TRPS1: variants seen among roughly 807,000 people sequenced by gnomAD.
TRPS1 encodes transcriptional repressor GATA binding 1.
TRPS1 carries 6 observed loss-of-function variants against 101.2 expected under a neutral mutation model. That is an observed-to-expected ratio of 0.06 (90% CI 0.03 to 0.12). The LOEUF (loss-of-function observed/expected upper bound fraction) is 0.12. TRPS1 is among the 10% of genes least tolerant of loss of function. TRPS1 has a pLI of 1.00. For missense variants in TRPS1, 1,363 were observed against 1,567.0 expected (o/e 0.87, Z 2.20); for synonymous variants, 578 against 589.8 (o/e 0.98, Z 0.29).
chr8:115,558,806 C>G (rs1045113699), intron 5 of TRPS1, among the ~76,000 whole-genome samples: 1 of 151,948 alleles, frequency 6.6e-6, no homozygotes, highest in Non-Finnish European at 1.5e-5. Context: ...AAGAAAGCAC[C>G]GTGTTAATGA....
chr8:115,649,978 C>T (rs150167785), intron 1 of TRPS1, among the ~76,000 whole-genome samples: 2 of 152,274 alleles, frequency 1.3e-5, no homozygotes, highest in African/African-American at 4.8e-5. Flanking sequence ...CATTTCCTTC[C>T]TCTATTTCTG....
rs115117916 is a variant in TRPS1 at position 115,526,518 on chromosome 8, C to T, written c.2700+60483G>A. Among the ~76,000 whole-genome samples, 1,143 of 152,222 alleles carry T rather than the reference C, an allele frequency of 7.5e-3. 19 individuals carry two copies. The highest frequency in any genetic ancestry group is 0.026 in the African/African-American group (1,076 of 41,528). Reference sequence around the variant, plus strand: ...TCTTCTATTTTCCAACAATATAATACATCTACAATTTGGACAAAAACAAAA... The same window carrying T: ...TCTTCTATTTTCCAACAATATAATATATCTACAATTTGGACAAAAACAAAA... On this transcript the variant is annotated intron_variant, in intron 5 of 6. Transcript: ENST00000395715.
At chr8:115,453,229 C>T (rs1014428678) in intron 5 of TRPS1, among the ~76,000 whole-genome samples, 16 of 152,052 alleles carry the variant, frequency 1.1e-4, no homozygotes, top group African/African-American at 3.6e-4. Context: ...CCATCTTGGC[C>T]GGGCTGGTCT....
At chr8:115,579,340 T>G (rs970995511) in intron 5 of TRPS1, among the ~76,000 whole-genome samples, 6 of 152,152 alleles carry the variant, frequency 3.9e-5, no homozygotes, top group Non-Finnish European at 8.8e-5. Flanking sequence ...ACAGGTATTC[T>G]TGTGTTACCC....
intron 4 of TRPS1, among the ~76,000 whole-genome samples, 158 bp from the exon 5 acceptor site, chr8:115,587,762 A>C (rs2130446709): frequency 6.6e-6 from 1 of 152,366 alleles, no homozygotes. Flanking sequence ...AATGTAATTA[A>C]CAGGCATTTT....
At chr8:115,535,833 A>G (rs906729035) in intron 5 of TRPS1, among the ~76,000 whole-genome samples, 3 of 151,862 alleles carry the variant, frequency 2.0e-5, no homozygotes, top group African/African-American at 7.3e-5. Context: ...TTTGGATACC[A>G]GTTAAAGTTA....
At chr8:115,639,889 A>G (rs894354091) in intron 1 of TRPS1, among the ~76,000 whole-genome samples, 1 of 152,156 alleles carries the variant, frequency 6.6e-6, no homozygotes, top group Admixed American at 6.5e-5. Context: ...TCGCCTGCCT[A>G]TGTCACTTCA....
At chr8:115,616,133 A>G (rs779791225) in intron 3 of TRPS1, among the ~76,000 whole-genome samples, 2 of 152,188 alleles carry the variant, frequency 1.3e-5, no homozygotes. Context: ...CAGAAAGGAC[A>G]GTCTTGGCTT....
intron 3 of TRPS1, among the ~76,000 whole-genome samples, chr8:115,614,020 A>C (rs930995683): frequency 2.6e-5 from 4 of 152,244 alleles, no homozygotes; most frequent in Admixed American, 6.5e-5. Context: ...AATGACTGTC[A>C]GAATCAGACT....
intron 5 of TRPS1, among the ~76,000 whole-genome samples, chr8:115,558,921 T>A (rs1008305718): frequency 3.9e-5 from 6 of 152,162 alleles, no homozygotes; most frequent in African/African-American, 1.4e-4. Flanking sequence ...TTTACAAAGA[T>A]GCTATACCTA....
chr8:115,640,744 C>T (rs1006704286), intron 1 of TRPS1, among the ~76,000 whole-genome samples: 7 of 152,152 alleles, frequency 4.6e-5, no homozygotes, highest in African/African-American at 1.2e-4. Context: ...TGTTGAAGGG[C>T]GTAGTCTATG....
At position 115,471,190 on chromosome 8, in the gene TRPS1, G is replaced by A. The variant is rs1020020296; in HGVS notation, c.2701-52738C>T. On this transcript the variant is annotated intron_variant, in intron 5 of 6. Coordinates refer to ENST00000395715, the MANE Select transcript of TRPS1 (RefSeq NM_014112.5). ...CATTCTTGTGCTGCTATACAGAAGC[G>A]CCTGAGATTGGGTAATTTATAAAGA... Among the ~76,000 whole-genome samples the A allele has an allele frequency of 4.6e-5, 7 of 152,242 alleles. No individual in the cohort carries two copies. The South Asian group carries it at 6.2e-4, about 14-fold the overall frequency.
At chr8:115,468,177 T>C (rs1487351673) in intron 5 of TRPS1, among the ~76,000 whole-genome samples, 1 of 152,218 alleles carries the variant, frequency 6.6e-6, no homozygotes, top group African/African-American at 2.4e-5. Flanking sequence ...TATTTTTAAA[T>C]AGTGAATTTT....
At chr8:115,605,810 T>C (rs1818025284) in intron 3 of TRPS1, among the ~76,000 whole-genome samples, 1 of 152,134 alleles carries the variant, frequency 6.6e-6, no homozygotes. Context: ...TCACTACAAC[T>C]CTGCTTTCTT....
At chr8:115,569,104 C>T (rs952318725) in intron 5 of TRPS1, among the ~76,000 whole-genome samples, 4 of 152,104 alleles carry the variant, frequency 2.6e-5, no homozygotes, top group African/African-American at 9.7e-5. Flanking sequence ...CCGTAAACTA[C>T]CCAGACAAAA....
chr8:115,469,508 G>GT (rs1231721774), intron 5 of TRPS1, among the ~76,000 whole-genome samples: 40 of 151,594 alleles, frequency 2.6e-4, no homozygotes, highest in African/African-American at 8.2e-4. Context: ...TTTTGTTTTT[G>GT]TTTTTTTTGA....
rs777692290 is a variant in TRPS1 at position 115,604,679 on chromosome 8, T to A, written c.1290A>T (p.Ile430=). Residue 430 remains isoleucine (I), a synonymous_variant, in exon 4 of 7, where the codon ATA becomes ATT. Transcript: ENST00000395715. The surrounding 1 kb of genome is among the most constrained non-coding windows in gnomAD (Gnocchi z 4.1). ...TTTGTCTAGAGGAATCGAGGGGCTT[T>A]ATGGGCACTGAGTACCCAACAGGAG... ...DDTPVGYSVP[I]KPLDSSRQNG... 1 of 1,614,048 alleles carries A rather than the reference T, an allele frequency of 6.2e-7. No homozygotes were observed. Among genetic ancestry groups the A allele is most frequent in the Admixed American group, 1.7e-5 (1 of 59,970 alleles).
chr8:115,559,028 A>G (rs771583709), intron 5 of TRPS1, among the ~76,000 whole-genome samples: 3 of 152,160 alleles, frequency 2.0e-5, no homozygotes, highest in Non-Finnish European at 2.9e-5. Context: ...ATGTATCCAC[A>G]TTTCAAAATC....
In TRPS1 at chr8:115,534,268, ATTGAAG is replaced by A. The variant is rs1816225538; in HGVS notation, c.2700+52727_2700+52732del. Among the ~76,000 whole-genome samples the A allele has an allele frequency of 2.0e-4, 28 of 142,728 alleles. 1 individual carries two copies. Among genetic ancestry groups the A allele is most frequent in the Non-Finnish European group, 2.8e-4 (18 of 64,924 alleles). 93.6% of individuals were successfully genotyped at this position (142,728 alleles called of 152,430 possible). A position where few individuals can be genotyped will look rare whatever the true frequency, so the allele number is the denominator to read the frequency against. On this transcript the variant is annotated intron_variant, in intron 5 of 6. Coordinates refer to ENST00000395715, the MANE Select transcript of TRPS1 (RefSeq NM_014112.5). ...TAACCCCGATACCATCACACTGGAGATTGAAGCTCTAACCCCGATACCATCACACTG... is the reference window on the plus strand; with the variant it reads ...TAACCCCGATACCATCACACTGGAGACTCTAACCCCGATACCATCACACTG...
Sources: gnomAD v4.1 joint callset for allele counts (sites outside exome capture counted in the v4.1 genomes callset) on GRCh38, gnomAD v4.1.1 for gene constraint, Gnocchi (gnomAD v3.1) non-coding constraint, MANE v1.5 for transcripts, NCBI Gene and HGNC (gene_info 2026-07-23, HGNC 2026-07-21) for gene names.